NEGR1: variants seen among roughly 807,000 people sequenced by gnomAD.
NEGR1 encodes neuronal growth regulator 1, also known as IgLON family member 4.
NEGR1 carries 10 observed loss-of-function variants against 40.9 expected under a neutral mutation model. The observed-to-expected ratio is 0.24, with a 90% CI of 0.15 to 0.42. NEGR1 has a LOEUF of 0.42. Among genes scored for constraint, NEGR1 ranks in the 10% least tolerant of loss-of-function variants. The probability of loss-of-function intolerance (pLI) is 1.00; values close to 1 mark genes in which losing one functional copy is unlikely to be tolerated. For synonymous variants in NEGR1, 185 were observed against 166.8 expected (o/e 1.11, Z -0.84); for missense variants, 352 against 438.9 (o/e 0.80, Z 1.77).
chr1:71,765,972 G>A (rs886616907), intron 3 of NEGR1, among the ~76,000 whole-genome samples: 4 of 151,996 alleles, frequency 2.6e-5, no homozygotes, highest in Admixed American at 2.6e-4. Context: ...TCAGGAGTTC[G>A]AGACCAACCT....
intron 2 of NEGR1, among the ~76,000 whole-genome samples, chr1:71,803,880 A>G (rs897910352): frequency 1.3e-5 from 2 of 152,166 alleles, no homozygotes; most frequent in African/African-American, 4.8e-5. Context: ...CCTAGAATAG[A>G]TTCTGTCAGA....
chr1:71,734,399 T>C (rs1356114984), intron 3 of NEGR1, among the ~76,000 whole-genome samples: 2 of 152,182 alleles, frequency 1.3e-5, no homozygotes, highest in Non-Finnish European at 2.9e-5. Context: ...ATTGACAGAA[T>C]TGTTGGAAGG....
intron 1 of NEGR1, among the ~76,000 whole-genome samples, chr1:71,974,242 G>A (rs2100324786): frequency 6.6e-6 from 1 of 152,242 alleles, no homozygotes; most frequent in South Asian, 2.1e-4. Context: ...CACTATCTCT[G>A]TAGGGATTCA....
intron 2 of NEGR1, among the ~76,000 whole-genome samples, chr1:71,814,204 T>C (rs1197822125): frequency 3.3e-5 from 5 of 151,548 alleles, no homozygotes; most frequent in East Asian, 1.9e-4. Context: ...TTTTTGTCTT[T>C]AGTTCTCTTT....
chr1:71,646,087 A>AT (rs898092189), intron 4 of NEGR1, among the ~76,000 whole-genome samples: 7 of 151,586 alleles, frequency 4.6e-5, no homozygotes, highest in Admixed American at 2.0e-4. Flanking sequence ...ACTGGGAGGG[A>AT]TTTTTTTGCC....
intron 1 of NEGR1, among the ~76,000 whole-genome samples, chr1:72,059,396 G>T (rs1050155949): frequency 6.6e-6 from 1 of 151,504 alleles, no homozygotes; most frequent in African/African-American, 2.4e-5. Flanking sequence ...TTTCTGGGGG[G>T]TGTGGGGAGT....
chr1:71,534,605 A>T (rs1242049234), intron 6 of NEGR1, among the ~76,000 whole-genome samples: 1 of 151,746 alleles, frequency 6.6e-6, no homozygotes, highest in African/African-American at 2.4e-5. Context: ...CAGACATTGC[A>T]ATTTGTTGTT....
intron 1 of NEGR1, among the ~76,000 whole-genome samples, chr1:71,998,507 TA>T (rs1646525552): frequency 6.6e-6 from 1 of 151,816 alleles, no homozygotes; most frequent in African/African-American, 2.4e-5. Context: ...CACAGTACAC[TA>T]AGGCCAAATA....
chr1:71,973,547 T>C (rs1646276600), intron 1 of NEGR1, among the ~76,000 whole-genome samples: 1 of 152,188 alleles, frequency 6.6e-6, no homozygotes, highest in African/African-American at 2.4e-5. Context: ...TTAATCTCCA[T>C]GCAGAATGGA....
chr1:71,837,897 G>C (rs1447167603), intron 2 of NEGR1, among the ~76,000 whole-genome samples: 2 of 151,988 alleles, frequency 1.3e-5, no homozygotes, highest in East Asian at 1.9e-4. Context: ...TCAATGAAAA[G>C]TACATTTTAA....
intron 1 of NEGR1, among the ~76,000 whole-genome samples, chr1:72,075,202 T>A (rs1424448582): frequency 1.3e-5 from 2 of 152,162 alleles, no homozygotes; most frequent in South Asian, 2.1e-4. Flanking sequence ...TGTTTACAAG[T>A]TATTTTGTAA....
At chr1:71,912,126 T>C (rs971685240) in intron 2 of NEGR1, among the ~76,000 whole-genome samples, 3 of 152,168 alleles carry the variant, frequency 2.0e-5, no homozygotes, top group Non-Finnish European at 2.9e-5. Context: ...CTTGCAATTA[T>C]GTATGTTAAA....
intron 2 of NEGR1, among the ~76,000 whole-genome samples, chr1:71,860,825 G>A (rs1033855755): frequency 6.6e-6 from 1 of 152,020 alleles, no homozygotes; most frequent in Non-Finnish European, 1.5e-5. Flanking sequence ...AATTTCCCAA[G>A]TCATAAAGCA....
In NEGR1 at chr1:72,267,089, A is replaced by G. The variant is rs1405926252; in HGVS notation, c.176+15230T>C. ...AACATTTGTTTATTTTGTACCAGGC[A>G]TGATGTTGAGGAGCTTCCAACGTTT... On this transcript the variant is annotated intron_variant, in intron 1 of 6. Transcript: ENST00000357731. Among the ~76,000 whole-genome samples, 3 of 151,058 alleles carry G rather than the reference A, an allele frequency of 2.0e-5. No individual in the cohort carries two copies. The East Asian group carries it at 5.8e-4, about 29-fold the overall frequency.
At chr1:71,778,923 A>C (rs1042460659) in intron 2 of NEGR1, among the ~76,000 whole-genome samples, 1 of 152,216 alleles carries the variant, frequency 6.6e-6, no homozygotes, top group Non-Finnish European at 1.5e-5. Flanking sequence ...TTAGAAATAA[A>C]CTTAGATTTG....
chr1:72,030,460 A>T (rs573093966), intron 1 of NEGR1, among the ~76,000 whole-genome samples: 5 of 152,192 alleles, frequency 3.3e-5, no homozygotes, highest in African/African-American at 1.2e-4. Context: ...ATTTAAAATC[A>T]AATACCATAC....
At chr1:71,416,155 A>C (rs1417897553) in intron 6 of NEGR1, among the ~76,000 whole-genome samples, 1 of 152,184 alleles carries the variant, frequency 6.6e-6, no homozygotes, top group African/African-American at 2.4e-5. Flanking sequence ...TAGTGTGGTA[A>C]AAACATGGGA....
At chr1:72,016,595 T>C (rs1646712164) in intron 1 of NEGR1, among the ~76,000 whole-genome samples, 2 of 152,200 alleles carry the variant, frequency 1.3e-5, no homozygotes, top group South Asian at 4.1e-4. Flanking sequence ...CTGAAGGTGT[T>C]TGACCCTTAA....
chr1:71,708,283 T>C (rs1653970297), intron 3 of NEGR1, among the ~76,000 whole-genome samples: 1 of 151,744 alleles, frequency 6.6e-6, no homozygotes, highest in Admixed American at 6.6e-5. Context: ...GAACTCAGAA[T>C]TCCATCAGAT....
Sources: gnomAD v4.1 joint callset for allele counts (sites outside exome capture counted in the v4.1 genomes callset) on GRCh38, gnomAD v4.1.1 for gene constraint, MANE v1.5 for transcripts, NCBI Gene and HGNC (gene_info 2026-07-23, HGNC 2026-07-21) for gene names.